Variants in EPB41L4A observed in about 807,000 individuals in gnomAD.
The protein encoded by EPB41L4A is band 4.1-like protein 4A.
A neutral mutation model predicts 108.6 loss-of-function variants in EPB41L4A; 100 were observed. The observed-to-expected ratio is 0.92, with a 90% confidence interval of 0.78 to 1.09. EPB41L4A has a LOEUF of 1.09. Among genes scored for constraint, EPB41L4A ranks in the 50% least tolerant of loss-of-function variants. EPB41L4A has a pLI of 0.00. For missense variants in EPB41L4A, 1,030 were observed against 842.7 expected, an observed-to-expected ratio of 1.22 and a Z score of -2.75; for synonymous variants, 319 against 289.0, an observed-to-expected ratio of 1.10 and a Z score of -1.05.
Position 112,205,494 on chromosome 5 carries a change from C to A in EPB41L4A, c.1189G>T (p.Ala397Ser). The A allele has an allele frequency of 1.2e-6, 2 of 1,608,862 alleles. No individual in the cohort carries two copies. The highest frequency in any genetic ancestry group is 1.7e-6 in the Non-Finnish European group (2 of 1,178,156). Residue 397 changes from alanine (A) to serine (S), a missense_variant, in exon 14 of 23, where the codon GCA (alanine) becomes TCA (serine). Physicochemically the swap from Ala to Ser is moderately conservative, Grantham distance 99. Transcript: ENST00000261486. ...GTATCAGGGCTATTTTCATTCTTTG[C>A]TTTCTTAAAGCTTTAATTTTAAAAA... ...APSPVKSFKKAKNENSPDTQR... is the reference protein window; with the variant it reads ...APSPVKSFKKSKNENSPDTQR...
At chr5:112,145,020 T>G (rs575049360) in intron 13 of EPB41L4A, among the ~76,000 whole-genome samples, 5 of 152,226 alleles carry the variant, frequency 3.3e-5, no homozygotes, top group Non-Finnish European at 5.9e-5. Flanking sequence ...TGCGTGGTGG[T>G]GACTCATGCT....
chr5:112,350,473 G>A (rs1040190620), intron 1 of EPB41L4A, among the ~76,000 whole-genome samples: 1 of 152,190 alleles, frequency 6.6e-6, no homozygotes, highest in Non-Finnish European at 1.5e-5. Context: ...TATCATTTCT[G>A]TTCTGAATAT....
intron 5 of EPB41L4A, 129 bp downstream of exon 5, chr5:112,266,104 A>G: frequency 1.5e-6 from 1 of 688,306 alleles, no homozygotes; most frequent in East Asian, 2.8e-5. Flanking sequence ...TTGAATTCCA[A>G]ATAAATTCAA....
At chr5:112,229,409 T>A (rs1335953752) in intron 12 of EPB41L4A, among the ~76,000 whole-genome samples, 3 of 152,118 alleles carry the variant, frequency 2.0e-5, no homozygotes. Flanking sequence ...TTTATTTATT[T>A]ATTTATTATT....
chr5:112,314,032 T>C (rs1755241434), intron 1 of EPB41L4A, among the ~76,000 whole-genome samples: 1 of 151,730 alleles, frequency 6.6e-6, no homozygotes. Context: ...CCCGGCTAAT[T>C]TGTATTTTTA....
At chr5:112,397,219 T>G (rs1325210408) in intron 1 of EPB41L4A, among the ~76,000 whole-genome samples, 2 of 152,332 alleles carry the variant, frequency 1.3e-5, no homozygotes, top group Middle Eastern at 3.4e-3. Context: ...TTAGTTCACT[T>G]AAGATAATGA....
intron 1 of EPB41L4A, among the ~76,000 whole-genome samples, chr5:112,384,889 A>G (rs1357943108): frequency 5.3e-5 from 8 of 152,150 alleles, no homozygotes. Flanking sequence ...AGGCCTCAAT[A>G]TCTGCTGGGA....
At chr5:112,400,795 C>G (rs1292179445) in intron 1 of EPB41L4A, among the ~76,000 whole-genome samples, 1 of 152,174 alleles carries the variant, frequency 6.6e-6, no homozygotes, top group East Asian at 1.9e-4. Flanking sequence ...CCACAACAGC[C>G]TGACTAGTGT....
chr5:112,346,111 T>C (rs549198954), intron 1 of EPB41L4A, among the ~76,000 whole-genome samples: 1 of 151,666 alleles, frequency 6.6e-6, no homozygotes, highest in African/African-American at 2.4e-5. Context: ...AAGACTGCCA[T>C]CGTTTTGGGA....
intron 1 of EPB41L4A, among the ~76,000 whole-genome samples, chr5:112,369,454 C>T (rs1759344686): frequency 6.6e-6 from 1 of 152,218 alleles, no homozygotes; most frequent in Non-Finnish European, 1.5e-5. Context: ...ATTGTGCATA[C>T]AGCATGTAAA....
downstream of EPB41L4A, chr5:112,158,382 AC>A (rs539567322): frequency 1.6e-3 from 667 of 408,298 alleles, 5 homozygotes; most frequent in African/African-American, 0.013. Context: ...CCCATATAGT[AC>A]ATGTGTGTAG....
intron 1 of EPB41L4A, among the ~76,000 whole-genome samples, chr5:112,314,914 T>G (rs1755334087): frequency 1.3e-5 from 2 of 152,178 alleles, no homozygotes; most frequent in Non-Finnish European, 2.9e-5. Context: ...TAAGGTACAA[T>G]GATAACATGC....
chr5:112,202,130 T>C (rs1762250090), intron 15 of EPB41L4A, among the ~76,000 whole-genome samples: 1 of 152,350 alleles, frequency 6.6e-6, no homozygotes. Flanking sequence ...CTTCTAGTTG[T>C]ACCTGTGGCA....
At chr5:112,232,128 AAGAG>A (rs1170094950) in intron 12 of EPB41L4A, among the ~76,000 whole-genome samples, 331 of 145,330 alleles carry the variant, frequency 2.3e-3, no homozygotes, top group East Asian at 0.01. Context: ...AAAAAAAAAA[AAGAG>A]AGAGAGAGAG....
At chr5:112,400,835 A>T (rs1761700115) in intron 1 of EPB41L4A, among the ~76,000 whole-genome samples, 1 of 152,162 alleles carries the variant, frequency 6.6e-6, no homozygotes, top group South Asian at 2.1e-4. Flanking sequence ...ACATTTACTG[A>T]ACACCACTGG....
rs1271469160 is a variant in EPB41L4A, at chr5:112,411,294, GCACAAATGGAA to G, written c.99+7636_99+7646del. ...GGTGGTTGAGGCAATGTGAGTAGAT[GCACAAATGGAA>G]CATGATACTATTTCTCCTACAGACA... On this transcript the variant is annotated intron_variant, in intron 1 of 22. Transcript: ENST00000261486. 2.6e-5 allele frequency among the ~76,000 whole-genome samples: 4 copies of G among 152,116 alleles called. No individual in the cohort carries two copies. The East Asian group carries it at 7.7e-4, about 29-fold the overall frequency.
At chr5:112,300,675 T>C (rs946530474) in intron 2 of EPB41L4A, among the ~76,000 whole-genome samples, 2 of 152,210 alleles carry the variant, frequency 1.3e-5, no homozygotes, top group African/African-American at 2.4e-5. Flanking sequence ...GCTCCTTCTA[T>C]TTGGATGTTT....
chr5:112,345,778 TATACACACACACACACACACACACAC>T (rs1757613806), intron 1 of EPB41L4A, among the ~76,000 whole-genome samples: 1 of 130,696 alleles, frequency 7.7e-6, no homozygotes. Flanking sequence ...CATATATATA[TATACACACACACACACACACACACAC>T]ACACACACAC....
intron 9 of EPB41L4A, among the ~76,000 whole-genome samples, chr5:112,256,192 C>T (rs1751073216): frequency 6.6e-6 from 1 of 152,206 alleles, no homozygotes; most frequent in Non-Finnish European, 1.5e-5. Context: ...AATCAACCAT[C>T]TGATAATAAA....
Sources: allele counts gnomAD v4.1 joint callset (sites outside exome capture counted in the v4.1 genomes callset), GRCh38; gene constraint gnomAD v4.1.1; transcripts MANE v1.5; gene names NCBI Gene and HGNC (gene_info 2026-07-23, HGNC 2026-07-21).